LSAMP: variants seen among roughly 807,000 people sequenced by gnomAD.
LSAMP encodes the protein limbic system-associated membrane protein.
Under a neutral mutation model 38.6 loss-of-function variants are expected in LSAMP, and 7 were observed. The ratio of observed to expected loss-of-function variants is 0.18; its 90% CI spans 0.10 to 0.34. The LOEUF is 0.34. Among genes scored for constraint, LSAMP ranks in the 10% least tolerant of loss-of-function variants. LSAMP has a pLI of 1.00. For missense variants in LSAMP, 313 were observed against 420.0 expected (o/e 0.75, Z 2.23); for synonymous variants, 154 against 166.8 (o/e 0.92, Z 0.59).
At chr3:116,437,430 G>A (rs988787258) in intron 1 of LSAMP, among the ~76,000 whole-genome samples, 2 of 152,032 alleles carry the variant, frequency 1.3e-5, no homozygotes, top group Non-Finnish European at 2.9e-5. Context: ...CAATAAGCTG[G>A]AAGCTGCAAG....
intron 1 of LSAMP, among the ~76,000 whole-genome samples, chr3:116,249,506 C>T (rs566870240): frequency 6.6e-6 from 1 of 152,104 alleles, no homozygotes; most frequent in African/African-American, 2.4e-5. Context: ...CTGCCTCAGC[C>T]TCCTGAGTAG....
chr3:116,388,814 C>T (rs2048656849), intron 1 of LSAMP, among the ~76,000 whole-genome samples: 1 of 152,130 alleles, frequency 6.6e-6, no homozygotes, highest in Admixed American at 6.5e-5. Context: ...TCTGAAAGTT[C>T]TGGGCACAAG....
In LSAMP at chr3:115,804,666, A is replaced by C. The variant is rs139369136; in HGVS notation, c.*5651T>G. On this transcript the variant is annotated 3_prime_UTR_variant, in exon 7 of 7. Coordinates refer to ENST00000490035, the MANE Select transcript of LSAMP (RefSeq NM_002338.5). ...ACCTAAAATTTTTATAAGTCTTTGC[A>C]GAAAGTTCACTTGTTTCCTGAAATC... 7.2e-5 allele frequency: 11 copies of C among 152,248 alleles called. No homozygotes were observed. The East Asian group carries it at 2.1e-3, about 29-fold the overall frequency. 9.4% of individuals were successfully genotyped at this position (152,248 alleles called of 1,614,324 possible). A position where few individuals can be genotyped will look rare whatever the true frequency, so the allele number is the denominator to read the frequency against.
chr3:115,883,887 T>G (rs1367099502), intron 3 of LSAMP, among the ~76,000 whole-genome samples: 1 of 151,714 alleles, frequency 6.6e-6, no homozygotes, highest in Non-Finnish European at 1.5e-5. Context: ...AGAGAGTGAA[T>G]GGAATAGAAA....
At chr3:116,235,471 T>G (rs1266174374) in intron 1 of LSAMP, among the ~76,000 whole-genome samples, 2 of 151,096 alleles carry the variant, frequency 1.3e-5, no homozygotes, top group Admixed American at 6.6e-5. Context: ...AAGGGAGAAA[T>G]GGAAGGAGAA....
chr3:115,955,877 C>T (rs998228060), intron 3 of LSAMP, among the ~76,000 whole-genome samples: 7 of 152,146 alleles, frequency 4.6e-5, no homozygotes, highest in Non-Finnish European at 1.0e-4. Flanking sequence ...CTCATTTAAA[C>T]ATTTGGGCAG....
intron 1 of LSAMP, among the ~76,000 whole-genome samples, chr3:116,425,460 T>C (rs757520148): frequency 6.6e-6 from 1 of 152,216 alleles, no homozygotes; most frequent in Non-Finnish European, 1.5e-5. Context: ...ATAGTACTGA[T>C]GCAAATATGG....
At chr3:116,170,606 C>T (rs1025095737) in intron 1 of LSAMP, among the ~76,000 whole-genome samples, 6 of 152,106 alleles carry the variant, frequency 3.9e-5, no homozygotes, top group African/African-American at 1.4e-4. Flanking sequence ...AATTAGTTAA[C>T]TTTTCTAACC....
chr3:116,213,168 C>T (rs1435829374), intron 1 of LSAMP, among the ~76,000 whole-genome samples: 1 of 152,102 alleles, frequency 6.6e-6, no homozygotes, highest in Non-Finnish European at 1.5e-5. Context: ...CTACTGTTTT[C>T]CATAGCAGCT....
intron 1 of LSAMP, among the ~76,000 whole-genome samples, chr3:116,206,288 C>T (rs1332974257): frequency 6.7e-6 from 1 of 149,268 alleles, no homozygotes; most frequent in African/African-American, 2.5e-5. Flanking sequence ...TTTGATTCTT[C>T]TCTCTTTTTT....
intron 1 of LSAMP, among the ~76,000 whole-genome samples, chr3:116,437,739 G>A (rs2049374420): frequency 1.3e-5 from 2 of 151,988 alleles, no homozygotes; most frequent in Non-Finnish European, 2.9e-5. Flanking sequence ...ATACATTTAT[G>A]TATAATAAAA....
At chr3:116,425,014 AAG>A (rs1019938021) in intron 1 of LSAMP, among the ~76,000 whole-genome samples, 4 of 152,164 alleles carry the variant, frequency 2.6e-5, no homozygotes, top group African/African-American at 7.2e-5. Flanking sequence ...AAAAAAAAAA[AAG>A]AGAGTGGAGT....
At chr3:116,215,774 C>G (rs903544517) in intron 1 of LSAMP, among the ~76,000 whole-genome samples, 11 of 152,110 alleles carry the variant, frequency 7.2e-5, no homozygotes, top group African/African-American at 1.2e-4. Flanking sequence ...GCACAATAAT[C>G]AGGATACACC....
intron 3 of LSAMP, among the ~76,000 whole-genome samples, chr3:115,869,299 A>AGAGAGAGAGAGAGAGAGAGAGG: frequency 6.6e-6 from 1 of 151,710 alleles, no homozygotes; most frequent in South Asian, 2.1e-4. Context: ...AGAGAGAGAG[A>AGAGAGAGAGAGAGAGAGAGAGG]GAGACTGACT....
At chr3:116,000,087 A>G (rs1939946411) in intron 3 of LSAMP, among the ~76,000 whole-genome samples, 1 of 152,162 alleles carries the variant, frequency 6.6e-6, no homozygotes, top group Non-Finnish European at 1.5e-5. Context: ...GACTCAGATA[A>G]TTACCCAGTA....
rs776066732 is a variant in LSAMP at position 116,086,427 on chromosome 3, G to A, written c.285C>T (p.Ser95=). The change falls in exon 2 of 7, where the codon AGC becomes AGT. Residue 95 remains serine, a synonymous_variant. Transcript: ENST00000490035. ...AGACATCCACCTTCTGGATTCGGAG[G>A]CTGTATTCCAGAGAATGGCGTTTCT... ...ELEKRHSLEY[S]LRIQKVDVYD... is the part of the protein sequence containing the mutation. 4 of 1,614,060 alleles carry A rather than the reference G, an allele frequency of 2.5e-6. No homozygotes were observed. The highest frequency in any genetic ancestry group is 2.2e-5 in the East Asian group (1 of 44,864).
At chr3:116,100,765 C>G (rs192534504) in intron 1 of LSAMP, among the ~76,000 whole-genome samples, 16 of 152,346 alleles carry the variant, frequency 1.1e-4, no homozygotes, top group Admixed American at 7.8e-4. Flanking sequence ...CATCAGTTCA[C>G]TTAACCTAGC....
chr3:116,359,422 T>A (rs951654554), intron 1 of LSAMP, among the ~76,000 whole-genome samples: 1 of 152,186 alleles, frequency 6.6e-6, no homozygotes. Context: ...AGACCAACCA[T>A]AGACATCTTG....
intron 3 of LSAMP, among the ~76,000 whole-genome samples, chr3:115,877,159 G>A (rs554811022): frequency 6.6e-6 from 1 of 152,204 alleles, no homozygotes; most frequent in Admixed American, 6.5e-5. Context: ...CTTAATTCAT[G>A]ATTTGTGAAC....
Sources: gnomAD v4.1 joint callset for allele counts (sites outside exome capture counted in the v4.1 genomes callset) on GRCh38, gnomAD v4.1.1 for gene constraint, MANE v1.5 for transcripts, NCBI Gene and HGNC (gene_info 2026-07-23, HGNC 2026-07-21) for gene names.